SLIT3: variants seen among roughly 807,000 people sequenced by gnomAD.
The protein encoded by SLIT3 is slit guidance ligand 3, also known as slit homolog 3 protein.
In SLIT3, 68 loss-of-function variants were observed where a neutral mutation model predicts 184.0. That is an observed-to-expected ratio of 0.37 (90% CI 0.30 to 0.45). SLIT3 has a LOEUF of 0.45. Among genes scored for constraint, SLIT3 ranks in the 20% least tolerant of loss-of-function variants. The pLI is 1.00. For missense variants in SLIT3, 1,707 were observed against 2,026.0 expected (o/e 0.84, Z 3.02); for synonymous variants, 831 against 828.6 (o/e 1.00, Z -0.05).
intron 4 of SLIT3, among the ~76,000 whole-genome samples, chr5:169,021,238 C>G (rs999427005): frequency 6.6e-6 from 1 of 152,192 alleles, no homozygotes; most frequent in Non-Finnish European, 1.5e-5. Flanking sequence ...TGCCTGTGAT[C>G]TGTCAGAGGT....
At chr5:169,010,578 C>T (rs1756104886) in intron 4 of SLIT3, among the ~76,000 whole-genome samples, 1 of 152,110 alleles carries the variant, frequency 6.6e-6, no homozygotes, top group South Asian at 2.1e-4. Flanking sequence ...AAAACTCAGT[C>T]TGTGGAATGA....
intron 4 of SLIT3, among the ~76,000 whole-genome samples, chr5:169,125,403 C>A (rs75297118): frequency 0.019 from 2,900 of 152,298 alleles, 43 homozygotes; most frequent in East Asian, 0.051. Flanking sequence ...AAAGCCTTCT[C>A]GCTGGAAACA....
intron 20 of SLIT3, among the ~76,000 whole-genome samples, chr5:168,740,215 G>C (rs1282133658): frequency 6.6e-6 from 1 of 152,126 alleles, no homozygotes; most frequent in Non-Finnish European, 1.5e-5. Context: ...ACTTCAAAGA[G>C]CACTTGCAAG....
At chr5:169,077,045 T>C (rs1758770334) in intron 4 of SLIT3, among the ~76,000 whole-genome samples, 1 of 152,162 alleles carries the variant, frequency 6.6e-6, no homozygotes. Context: ...CACTTGTATG[T>C]GGATTTTCTT....
At chr5:169,116,055 AAG>A (rs1217709227) in intron 4 of SLIT3, among the ~76,000 whole-genome samples, 1 of 152,186 alleles carries the variant, frequency 6.6e-6, no homozygotes, top group African/African-American at 2.4e-5. Flanking sequence ...GAGAAAGAGA[AAG>A]AGAGAGACTC....
intron 4 of SLIT3, among the ~76,000 whole-genome samples, chr5:169,057,061 T>G (rs553034224): frequency 4.6e-5 from 7 of 152,248 alleles, no homozygotes; most frequent in Admixed American, 1.3e-4. Flanking sequence ...TATATTTCAC[T>G]TTTTGTGGTA....
At chr5:169,276,995 C>T (rs1766829670) in intron 1 of SLIT3, among the ~76,000 whole-genome samples, 1 of 152,156 alleles carries the variant, frequency 6.6e-6, no homozygotes, top group African/African-American at 2.4e-5. Flanking sequence ...GCAACCATCA[C>T]CATTTACATA....
At chr5:169,164,425 A>C (rs1467014333) in intron 4 of SLIT3, among the ~76,000 whole-genome samples, 1 of 152,198 alleles carries the variant, frequency 6.6e-6, no homozygotes, top group East Asian at 1.9e-4. Context: ...TTTAAGTAGA[A>C]ATTATCCTTG....
intron 30 of SLIT3, among the ~76,000 whole-genome samples, 198 bp downstream of exon 30, chr5:168,686,781 G>A (rs1369901453): frequency 6.6e-6 from 1 of 152,246 alleles, no homozygotes; most frequent in African/African-American, 2.4e-5. Flanking sequence ...TACAATGTGG[G>A]ATTACCAATA....
At chr5:168,776,557 T>C (rs1455791235) in intron 12 of SLIT3, among the ~76,000 whole-genome samples, 1 of 152,216 alleles carries the variant, frequency 6.6e-6, no homozygotes, top group Non-Finnish European at 1.5e-5. Context: ...CTAGGGAGCA[T>C]GCTGGAAGCG....
intron 9 of SLIT3, among the ~76,000 whole-genome samples, chr5:168,795,809 G>A (rs1756546890): frequency 6.6e-6 from 1 of 152,116 alleles, no homozygotes; most frequent in Non-Finnish European, 1.5e-5. Flanking sequence ...GGGAAAGGAT[G>A]ATCTTTCCTT....
chr5:169,188,444 A>T (rs1763433556), intron 4 of SLIT3, among the ~76,000 whole-genome samples: 1 of 152,224 alleles, frequency 6.6e-6, no homozygotes, highest in Non-Finnish European at 1.5e-5. Context: ...GCCATGCAAG[A>T]TCATGCTCCA....
chr5:169,084,737 C>A (rs868626404), intron 4 of SLIT3, among the ~76,000 whole-genome samples: 2 of 152,244 alleles, frequency 1.3e-5, no homozygotes, highest in Non-Finnish European at 2.9e-5. Flanking sequence ...CTGAGCAGAG[C>A]AGAGTTCCCC....
At chr5:169,069,343 G>A (rs1282064550) in intron 4 of SLIT3, among the ~76,000 whole-genome samples, 11 of 152,228 alleles carry the variant, frequency 7.2e-5, no homozygotes. Flanking sequence ...GAAATATGAG[G>A]AAGAGGAACT....
intron 4 of SLIT3, among the ~76,000 whole-genome samples, chr5:169,065,677 G>A (rs890306756): frequency 2.6e-5 from 4 of 152,172 alleles, no homozygotes; most frequent in African/African-American, 7.2e-5. Flanking sequence ...CTATTCCCAT[G>A]CCACTGTGGG....
intron 4 of SLIT3, among the ~76,000 whole-genome samples, chr5:168,974,459 C>T (rs1403989264): frequency 1.3e-5 from 2 of 152,174 alleles, no homozygotes; most frequent in African/African-American, 2.4e-5. Flanking sequence ...TTTGAAGAGA[C>T]CAGTTTCTAG....
At chr5:168,944,174 A>T (rs1762408028) in intron 4 of SLIT3, among the ~76,000 whole-genome samples, 1 of 152,130 alleles carries the variant, frequency 6.6e-6, no homozygotes, top group African/African-American at 2.4e-5. Context: ...CTTACTCTTC[A>T]AGCAGAGCTG....
At chr5:168,914,668 C>T (rs369269583) in intron 4 of SLIT3, among the ~76,000 whole-genome samples, 26 of 152,162 alleles carry the variant, frequency 1.7e-4, no homozygotes, top group African/African-American at 6.3e-4. Flanking sequence ...TACTCTTTTC[C>T]GTAGCGTACT....
chr5:169,099,071 A>G (rs1349155090), intron 4 of SLIT3, among the ~76,000 whole-genome samples: 1 of 151,946 alleles, frequency 6.6e-6, no homozygotes, highest in East Asian at 1.9e-4. Flanking sequence ...AATTCCCTTG[A>G]GGATTTAAAG....
Sources: gnomAD v4.1 joint callset for allele counts (sites outside exome capture counted in the v4.1 genomes callset) on GRCh38, gnomAD v4.1.1 for gene constraint, MANE v1.5 for transcripts, NCBI Gene and HGNC (gene_info 2026-07-23, HGNC 2026-07-21) for gene names.